Variants in RBFOX1 observed in about 807,000 individuals in gnomAD.
RBFOX1 encodes RNA binding fox-1 homolog 1, also known as RNA binding protein fox-1 homolog 1.
In RBFOX1, 8 loss-of-function variants were observed where a neutral mutation model predicts 57.7. The observed-to-expected ratio is 0.14, with a 90% CI of 0.08 to 0.25. RBFOX1 has a LOEUF of 0.25. Among genes scored for constraint, RBFOX1 ranks in the 10% least tolerant of loss-of-function variants. The probability of loss-of-function intolerance (pLI) is 1.00; values close to 1 mark genes in which losing one functional copy is unlikely to be tolerated. For missense variants in RBFOX1, 611 were observed against 548.5 expected (o/e 1.11, Z -1.14); for synonymous variants, 326 against 222.4 (o/e 1.47, Z -4.15).
intron 1 of RBFOX1, among the ~76,000 whole-genome samples, chr16:6,146,030 G>C (rs1435068427): frequency 6.6e-6 from 1 of 152,172 alleles, no homozygotes; most frequent in South Asian, 2.1e-4. Context: ...GATAATCTAA[G>C]GCCAGAGACA....
intron 3 of RBFOX1, among the ~76,000 whole-genome samples, chr16:5,627,416 G>T (rs946531575): frequency 3.9e-5 from 6 of 151,982 alleles, no homozygotes; most frequent in Non-Finnish European, 8.8e-5. Context: ...TAGTGATCTT[G>T]GGGTGTGTGT....
At chr16:7,706,609 CACATTTGTTTTG>C (rs1486756013) in intron 14 of RBFOX1, among the ~76,000 whole-genome samples, 1 of 152,164 alleles carries the variant, frequency 6.6e-6, no homozygotes, top group Non-Finnish European at 1.5e-5. Context: ...TGCATCTTTT[CACATTTGTTTTG>C]AGGTAACACC....
chr16:5,895,776 G>A (rs1416504090), intron 4 of RBFOX1, among the ~76,000 whole-genome samples: 1 of 152,204 alleles, frequency 6.6e-6, no homozygotes, highest in Admixed American at 6.5e-5. Flanking sequence ...ACCTATGACA[G>A]TGCCTAGAAC....
At chr16:5,852,982 A>C (rs1184294183) in intron 3 of RBFOX1, among the ~76,000 whole-genome samples, 1 of 152,108 alleles carries the variant, frequency 6.6e-6, no homozygotes, top group Non-Finnish European at 1.5e-5. Flanking sequence ...GTTCTCTCTG[A>C]GTGCAGAAGA....
intron 3 of RBFOX1, among the ~76,000 whole-genome samples, chr16:5,853,291 C>T (rs553602535): frequency 1.1e-4 from 16 of 152,206 alleles, no homozygotes; most frequent in South Asian, 8.3e-4. Flanking sequence ...CTCCTGAGAA[C>T]GGCCAGGGGA....
intron 4 of RBFOX1, among the ~76,000 whole-genome samples, chr16:7,427,971 G>T (rs1452681694): frequency 6.6e-6 from 1 of 152,096 alleles, no homozygotes; most frequent in East Asian, 1.9e-4. Context: ...CATACTCCGT[G>T]CCCCCATATC....
rs2060586685 is a variant in RBFOX1, at chr16:6,693,672, G to A, written c.-16+39022G>A. ...ACAATCATCATCATCATCCTCATCT[G>A]CTACCATCACCACCATCATCATCAC... On this transcript the variant is annotated intron_variant, in intron 3 of 15. Coordinates refer to ENST00000550418, the MANE Select transcript of RBFOX1 (RefSeq NM_018723.4). Among the ~76,000 whole-genome samples the A allele has an allele frequency of 2.4e-5, 3 of 126,712 alleles. 1 individual carries two copies. The South Asian group carries it at 8.1e-4, about 34-fold the overall frequency. The allele number at this position is 126,712 out of a possible 152,430, so 83.1% of individuals were successfully genotyped here.
At chr16:6,474,055 G>T (rs1567357151) in intron 2 of RBFOX1, among the ~76,000 whole-genome samples, 1 of 152,106 alleles carries the variant, frequency 6.6e-6, no homozygotes, top group Non-Finnish European at 1.5e-5. Context: ...GGTTTCCTGG[G>T]CTGGTTACTG....
At chr16:5,801,896 G>T (rs2055069657) in intron 3 of RBFOX1, among the ~76,000 whole-genome samples, 1 of 152,126 alleles carries the variant, frequency 6.6e-6, no homozygotes, top group Non-Finnish European at 1.5e-5. Context: ...CTCTATATTA[G>T]GTGAGGAAAT....
intron 4 of RBFOX1, among the ~76,000 whole-genome samples, chr16:7,168,889 T>C (rs1259542704): frequency 6.6e-6 from 1 of 151,848 alleles, no homozygotes; most frequent in Non-Finnish European, 1.5e-5. Context: ...GCCTCTATTT[T>C]TGTCTTAACT....
intron 3 of RBFOX1, among the ~76,000 whole-genome samples, chr16:5,708,634 C>T (rs1013238688): frequency 1.3e-5 from 2 of 152,178 alleles, no homozygotes; most frequent in African/African-American, 4.8e-5. Flanking sequence ...TTCATAGATT[C>T]TCCCCCTAAT....
At chr16:5,392,978 T>C (rs2066455273) in intron 1 of RBFOX1, among the ~76,000 whole-genome samples, 1 of 151,256 alleles carries the variant, frequency 6.6e-6, no homozygotes, top group Non-Finnish European at 1.5e-5. Context: ...CCTAGGGAGG[T>C]GTTGAGTGGG....
intron 5 of RBFOX1, among the ~76,000 whole-genome samples, chr16:7,569,822 C>T (rs1471826474): frequency 6.6e-6 from 1 of 150,578 alleles, no homozygotes; most frequent in East Asian, 2.0e-4. Context: ...GAGCCTTGAT[C>T]ATTCCAGTCT....
At chr16:6,149,537 G>A (rs150869614) in intron 1 of RBFOX1, among the ~76,000 whole-genome samples, 13 of 152,194 alleles carry the variant, frequency 8.5e-5, no homozygotes, top group Non-Finnish European at 1.8e-4. Context: ...TTCTGCAGCT[G>A]GTGCTGACTG....
intron 3 of RBFOX1, among the ~76,000 whole-genome samples, chr16:6,663,465 C>G (rs924003063): frequency 2.6e-5 from 4 of 152,166 alleles, no homozygotes; most frequent in Non-Finnish European, 5.9e-5. Flanking sequence ...TGGACTAGAT[C>G]TGTGCACTTC....
At chr16:6,948,353 A>G (rs1052974520) in intron 3 of RBFOX1, among the ~76,000 whole-genome samples, 1 of 133,926 alleles carries the variant, frequency 7.5e-6, no homozygotes, top group African/African-American at 2.8e-5. Flanking sequence ...TTTCTGCTAC[A>G]TGTCCTTTTC....
intron 3 of RBFOX1, among the ~76,000 whole-genome samples, chr16:7,042,133 T>C (rs1173152233): frequency 6.6e-6 from 1 of 152,142 alleles, no homozygotes; most frequent in Non-Finnish European, 1.5e-5. Context: ...ATAAGCCAAG[T>C]TTGGAAATTT....
At chr16:5,859,221 A>C (rs769745215) in intron 3 of RBFOX1, among the ~76,000 whole-genome samples, 2 of 152,056 alleles carry the variant, frequency 1.3e-5, no homozygotes, top group Non-Finnish European at 2.9e-5. Flanking sequence ...AAAAACAAAA[A>C]CAAAAACAAC....
At chr16:7,123,436 C>A (rs954878813) in intron 4 of RBFOX1, among the ~76,000 whole-genome samples, 1 of 152,162 alleles carries the variant, frequency 6.6e-6, no homozygotes, top group African/African-American at 2.4e-5. Flanking sequence ...GCCAATACAG[C>A]TCACTGTAAC....
Sources: allele counts gnomAD v4.1 joint callset (sites outside exome capture counted in the v4.1 genomes callset), GRCh38; gene constraint gnomAD v4.1.1; transcripts MANE v1.5; gene names NCBI Gene and HGNC (gene_info 2026-07-23, HGNC 2026-07-21).